The following TTC34 variants were observed in gnomAD, a reference collection of about 807,000 sequenced individuals.
TTC34 encodes the protein tetratricopeptide repeat domain 34, also known as tetratricopeptide repeat protein 34.
TTC34 carries 44 observed loss-of-function variants against 40.7 expected under a neutral mutation model. That is an observed-to-expected ratio of 1.08 (90% CI 0.85 to 1.39). TTC34 has a LOEUF of 1.39. Among genes scored for constraint, TTC34 ranks in the 40% most tolerant of loss-of-function variants. The pLI is 0.00. For missense variants in TTC34, 884 were observed against 838.0 expected (o/e 1.05, Z -0.68); for synonymous variants, 422 against 398.6 (o/e 1.06, Z -0.70).
At chr1:2,799,633 G>A (rs1037937897) in intron 2 of TTC34, among the ~76,000 whole-genome samples, 1 of 152,040 alleles carries the variant, frequency 6.6e-6, no homozygotes, top group South Asian at 2.1e-4. Context: ...AGGCCAGGAG[G>A]ATCTAGCCCC....
intron 6 of TTC34, among the ~76,000 whole-genome samples, chr1:2,758,153 TC>T (rs1427704799): frequency 0.034 from 335 of 9,744 alleles, 9 homozygotes; most frequent in Admixed American, 0.044. Context: ...AGCACCCACA[TC>T]CCCAGGTGAG....
At chr1:2,694,819 A>T (rs373431186) in intron 6 of TTC34, among the ~76,000 whole-genome samples, 1 of 35,860 alleles carries the variant, frequency 2.8e-5, no homozygotes, top group African/African-American at 8.1e-5. Context: ...ACAGCCTGGA[A>T]CGACACCCAC....
intron 6 of TTC34, chr1:2,775,338 C>T (rs1230227566): frequency 2.7e-5 from 4 of 150,624 alleles, no homozygotes; most frequent in Admixed American, 6.6e-5. Context: ...CTACCTGGAA[C>T]AGAACCCCGC....
At chr1:2,749,016 C>G (rs1641233100) in intron 6 of TTC34, among the ~76,000 whole-genome samples, 7 of 51,646 alleles carry the variant, frequency 1.4e-4, no homozygotes, top group African/African-American at 2.1e-4. Context: ...AGGTGAGCAT[C>G]TGACAGCCTG....
At chr1:2,781,992 A>C (rs1317623349) in intron 6 of TTC34, among the ~76,000 whole-genome samples, 1 of 152,130 alleles carries the variant, frequency 6.6e-6, no homozygotes, top group Non-Finnish European at 1.5e-5. Flanking sequence ...GTCTTTGGCT[A>C]TGGTATCAGG....
intron 6 of TTC34, among the ~76,000 whole-genome samples, chr1:2,685,855 G>C (rs549150906): frequency 6.7e-6 from 1 of 149,896 alleles, no homozygotes; most frequent in Non-Finnish European, 1.5e-5. Flanking sequence ...GTGAGCCTCT[G>C]ACAGCCTGGA....
intron 6 of TTC34, among the ~76,000 whole-genome samples, chr1:2,749,551 GCAGCA>G (rs2100425235): frequency 3.6e-5 from 2 of 55,080 alleles, no homozygotes; most frequent in Non-Finnish European, 3.2e-5. Context: ...AACGCAAATA[GCAGCA>G]CCCACACCCC....
At chr1:2,759,685 G>GTGAGCACGTAA (rs1641628899) in intron 6 of TTC34, among the ~76,000 whole-genome samples, 4 of 142,804 alleles carry the variant, frequency 2.8e-5, no homozygotes, top group Non-Finnish European at 4.6e-5. Flanking sequence ...ACAACCCCAG[G>GTGAGCACGTAA]CTTGCATCCG....
intron 6 of TTC34, among the ~76,000 whole-genome samples, chr1:2,777,612 A>G (rs1643290351): frequency 6.9e-6 from 1 of 143,934 alleles, no homozygotes; most frequent in Non-Finnish European, 1.5e-5. Flanking sequence ...CCTGCTGCTG[A>G]GCCCCAGCGC....
exon 9 of TTC34, chr1:2,638,591 AG>A (rs1230865322): frequency 1.3e-5 from 2 of 152,312 alleles, no homozygotes; most frequent in Non-Finnish European, 2.9e-5. Flanking sequence ...GGGACTGCCC[AG>A]GGAAGTGGTG....
At chr1:2,749,517 CCCAGA>C (rs1641248666) in intron 6 of TTC34, among the ~76,000 whole-genome samples, 70 of 81,108 alleles carry the variant, frequency 8.6e-4, no homozygotes, top group African/African-American at 2.1e-3. Flanking sequence ...TGGAGCAGCA[CCCAGA>C]TTCCCAGGCA....
chr1:2,654,024 C>T (rs77054157), intron 6 of TTC34, among the ~76,000 whole-genome samples: 3 of 148,566 alleles, frequency 2.0e-5, no homozygotes, highest in African/African-American at 7.7e-5. Context: ...AGGCGAGCAT[C>T]TGACAGCCTG....
intron 6 of TTC34, among the ~76,000 whole-genome samples, chr1:2,653,394 A>T (rs796645940): frequency 3.1e-4 from 22 of 71,688 alleles, no homozygotes; most frequent in East Asian, 1.4e-3. Context: ...GACAGCATGT[A>T]ACAGCACCCA....
chr1:2,751,778 A>G (rs1207123820), intron 6 of TTC34, among the ~76,000 whole-genome samples: 1 of 117,624 alleles, frequency 8.5e-6, no homozygotes, highest in African/African-American at 3.6e-5. Context: ...CCCACAGGTG[A>G]GCATCTGACA....
At chr1:2,778,558 C>T (rs1029031089) in intron 6 of TTC34, among the ~76,000 whole-genome samples, 2 of 152,148 alleles carry the variant, frequency 1.3e-5, no homozygotes, top group African/African-American at 2.4e-5. Flanking sequence ...CTGGAGGAAC[C>T]ACTGTTCAGC....
exon 3 of TTC34, chr1:2,789,506 T>C: frequency 6.6e-7 from 1 of 1,505,640 alleles, no homozygotes; most frequent in Non-Finnish European, 8.8e-7. Flanking sequence ...TCCTCACCCC[T>C]CCTGCGTGGT....
At chr1:2,650,574 G>A (rs1351455458) in intron 6 of TTC34, among the ~76,000 whole-genome samples, 1 of 148,518 alleles carries the variant, frequency 6.7e-6, no homozygotes, top group Non-Finnish European at 1.5e-5. Context: ...GCCAAGAATG[G>A]CACTACTACC....
chr1:2,653,652 C>G (rs1408171771), intron 6 of TTC34, among the ~76,000 whole-genome samples: 4 of 130,800 alleles, frequency 3.1e-5, no homozygotes, highest in African/African-American at 1.2e-4. Context: ...ATCCACACCC[C>G]CAGGCGAGCA....
intron 6 of TTC34, among the ~76,000 whole-genome samples, chr1:2,690,320 T>G (rs200297363): frequency 1.2e-4 from 3 of 25,322 alleles, no homozygotes; most frequent in Admixed American, 4.3e-4. Flanking sequence ...GCATTTGACC[T>G]CCCAGAGCAG....
Sources: allele counts gnomAD v4.1 joint callset (sites outside exome capture counted in the v4.1 genomes callset), GRCh38; gene constraint gnomAD v4.1.1; transcripts MANE v1.5; gene names NCBI Gene and HGNC (gene_info 2026-07-23, HGNC 2026-07-21).